NRG1: variants seen among roughly 807,000 people sequenced by gnomAD.
The protein encoded by NRG1 is neuregulin 1.
Under a neutral mutation model 63.8 loss-of-function variants are expected in NRG1, and 18 were observed. That is an observed-to-expected ratio of 0.28 (90% confidence interval 0.19 to 0.42). NRG1 has a LOEUF of 0.42. Among genes scored for constraint, NRG1 ranks in the 10% least tolerant of loss-of-function variants. The pLI is 1.00. For synonymous variants in NRG1, 302 were observed against 301.3 expected (o/e 1.00, Z -0.02); for missense variants, 762 against 814.7 (o/e 0.94, Z 0.79).
At chr8:32,568,912 A>G (rs1050689228) in intron 1 of NRG1, among the ~76,000 whole-genome samples, 2 of 152,178 alleles carry the variant, frequency 1.3e-5, no homozygotes, top group African/African-American at 2.4e-5. Flanking sequence ...ATAAATAAGA[A>G]CAAAAGTAAT....
chr8:32,742,902 T>C lies in NRG1; in HGVS notation c.691+169T>C, dbSNP rs1826687669. On this transcript the variant is annotated intron_variant, in intron 7 of 11. Transcript: ENST00000356819. The surrounding 1 kb of genome is among the most constrained non-coding windows in gnomAD (Gnocchi z 4.2). ...ATGAGAACATTAACAAAAGCAATTG[T>C]ATTACTTCCTCTGTTCGCGACTAGT... is the stretch of plus-strand genomic sequence containing the variant. 2 of 1,524,862 alleles carry C rather than the reference T, an allele frequency of 1.3e-6. No homozygotes were observed. The highest frequency in any genetic ancestry group is 8.8e-7 in the Non-Finnish European group (1 of 1,134,764). The allele number at this position is 1,524,862 out of a possible 1,614,324, so 94.5% of individuals were successfully genotyped here.
At chr8:32,552,848 A>G (rs567296015) in intron 1 of NRG1, among the ~76,000 whole-genome samples, 2 of 152,300 alleles carry the variant, frequency 1.3e-5, no homozygotes, top group East Asian at 3.9e-4. Flanking sequence ...ATAGAGAACC[A>G]AAAAATATTA....
At chr8:32,449,112 T>C (rs1479361797) in intron 1 of NRG1, among the ~76,000 whole-genome samples, 3 of 151,984 alleles carry the variant, frequency 2.0e-5, no homozygotes, top group Non-Finnish European at 2.9e-5. Context: ...CTGGGCAACA[T>C]GGTGAAACCC....
intron 1 of NRG1, among the ~76,000 whole-genome samples, chr8:32,329,346 C>A (rs752261879): frequency 1.8e-4 from 28 of 152,048 alleles, no homozygotes; most frequent in Non-Finnish European, 3.7e-4. Flanking sequence ...AAAACTCAAA[C>A]CTTAAAGGAC....
At chr8:31,875,614 C>T (rs1222804649) in intron 1 of NRG1, among the ~76,000 whole-genome samples, 1 of 152,060 alleles carries the variant, frequency 6.6e-6, no homozygotes, top group Admixed American at 6.6e-5. Flanking sequence ...GTCTCCTCTG[C>T]GATTATGTGG....
At position 32,116,922 on chromosome 8, in the gene NRG1, G is replaced by T. The variant is rs184769503; in HGVS notation, c.37+477491G>T. On this transcript the variant is annotated intron_variant, in intron 1 of 10. Transcript: ENST00000519301. ...CTTGAGAAGCCGAGGTAGGATGATT[G>T]TTAGAGCCCAGGAGTTTGAAACCAA... 6.0e-5 allele frequency among the ~76,000 whole-genome samples: 8 copies of T among 132,494 alleles called. No homozygotes were observed. In the East Asian group the frequency reaches 1.9e-3, roughly 32 times the overall value. 86.9% of individuals were successfully genotyped at this position (132,494 alleles called of 152,430 possible).
chr8:32,245,144 G>C (rs1451063408), intron 1 of NRG1, among the ~76,000 whole-genome samples: 1 of 152,162 alleles, frequency 6.6e-6, no homozygotes, highest in African/African-American at 2.4e-5. Flanking sequence ...ATCTGCTGCA[G>C]TGGTGAGTTC....
chr8:32,311,996 C>T (rs1027074136), intron 1 of NRG1, among the ~76,000 whole-genome samples: 7 of 152,094 alleles, frequency 4.6e-5, no homozygotes, highest in Non-Finnish European at 1.0e-4. Flanking sequence ...TTTGCTCAAC[C>T]TGTTTACACT....
At chr8:32,224,033 G>T (rs1422013056) in intron 1 of NRG1, among the ~76,000 whole-genome samples, 2 of 152,104 alleles carry the variant, frequency 1.3e-5, no homozygotes, top group African/African-American at 4.8e-5. Flanking sequence ...GTTCATGTAA[G>T]CTCTGCCCTC....
At chr8:32,735,265 C>A (rs1589492847) in intron 6 of NRG1, among the ~76,000 whole-genome samples, 1 of 152,064 alleles carries the variant, frequency 6.6e-6, no homozygotes, top group Non-Finnish European at 1.5e-5. Context: ...TTTTTTATAA[C>A]TTGGCTATTG....
chr8:32,104,553 G>A (rs146765076), intron 1 of NRG1, among the ~76,000 whole-genome samples: 256 of 152,148 alleles, frequency 1.7e-3, no homozygotes, highest in African/African-American at 5.9e-3. Context: ...CTTAATAAAT[G>A]TTTTAATTTT....
intron 5 of NRG1, among the ~76,000 whole-genome samples, chr8:32,619,962 T>C (rs1848048088): frequency 6.6e-6 from 1 of 152,118 alleles, no homozygotes; most frequent in Non-Finnish European, 1.5e-5. Flanking sequence ...GTTACAATAA[T>C]GAAAATAGCA....
chr8:32,368,214 G>A (rs1188296253), intron 1 of NRG1, among the ~76,000 whole-genome samples: 1 of 152,138 alleles, frequency 6.6e-6, no homozygotes, highest in African/African-American at 2.4e-5. Flanking sequence ...GTTTTAATAG[G>A]TTAAAATTAG....
intron 1 of NRG1, among the ~76,000 whole-genome samples, chr8:31,794,162 T>C (rs562633642): frequency 6.6e-6 from 1 of 152,268 alleles, no homozygotes; most frequent in South Asian, 2.1e-4. Context: ...GAGGTATTTT[T>C]AATGGGGTAA....
intron 1 of NRG1, among the ~76,000 whole-genome samples, chr8:32,202,379 G>A (rs1405728990): frequency 2.0e-5 from 3 of 152,168 alleles, no homozygotes; most frequent in Non-Finnish European, 4.4e-5. Context: ...TGGGGAACAT[G>A]CAGGTGCACA....
intron 5 of NRG1, among the ~76,000 whole-genome samples, chr8:32,618,963 A>G (rs1029551390): frequency 6.6e-6 from 1 of 152,182 alleles, no homozygotes; most frequent in South Asian, 2.1e-4. Context: ...CTATAATCCT[A>G]GCATTTTGGG....
At chr8:32,270,095 C>T (rs1265021912) in intron 1 of NRG1, among the ~76,000 whole-genome samples, 1 of 152,182 alleles carries the variant, frequency 6.6e-6, no homozygotes, top group Non-Finnish European at 1.5e-5. Flanking sequence ...ATGTTAAATG[C>T]CACTGTGATT....
At chr8:32,202,158 T>C (rs893824017) in intron 1 of NRG1, among the ~76,000 whole-genome samples, 1 of 152,144 alleles carries the variant, frequency 6.6e-6, no homozygotes, top group Non-Finnish European at 1.5e-5. Context: ...GGAACACTAC[T>C]GTAAAAGAAT....
At chr8:32,183,931 C>G (rs1841698274) in intron 1 of NRG1, among the ~76,000 whole-genome samples, 2 of 152,130 alleles carry the variant, frequency 1.3e-5, no homozygotes, top group South Asian at 4.1e-4. Context: ...ACAATTATTT[C>G]CTTTAACCCT....
Sources: allele counts gnomAD v4.1 joint callset (sites outside exome capture counted in the v4.1 genomes callset), GRCh38; gene constraint gnomAD v4.1.1; non-coding constraint Gnocchi (gnomAD v3.1); transcripts MANE v1.5; gene names NCBI Gene and HGNC (gene_info 2026-07-23, HGNC 2026-07-21).